Variants in PCDHA1 observed in about 807,000 individuals in gnomAD.
The protein encoded by PCDHA1 is protocadherin alpha-1.
In PCDHA1, 42 loss-of-function variants were observed where a neutral mutation model predicts 61.3. The ratio of observed to expected loss-of-function variants is 0.69; its 90% CI spans 0.54 to 0.89. The LOEUF (loss-of-function observed/expected upper bound fraction) is 0.89. Among genes scored for constraint, PCDHA1 ranks in the 40% least tolerant of loss-of-function variants. The pLI, the probability that PCDHA1 is intolerant of heterozygous loss-of-function variation, is 0.00. For missense variants in PCDHA1, 1,256 were observed against 1,235.3 expected (o/e 1.02, Z -0.25); for synonymous variants, 610 against 553.8 (o/e 1.10, Z -1.43).
At chr5:140,805,679 C>T in intron 1 of PCDHA1, 1 of 805,768 alleles carries the variant, frequency 1.2e-6, no homozygotes, top group Non-Finnish European at 1.5e-6. Context: ...CAGGATGATT[C>T]AAAGATCATG....
chr5:140,826,226 T>G (rs1768854046), intron 1 of PCDHA1, among the ~76,000 whole-genome samples: 1 of 152,244 alleles, frequency 6.6e-6, no homozygotes, highest in Admixed American at 6.5e-5. Context: ...AGTTTTGTGA[T>G]ATAAACTATT....
intron 3 of PCDHA1, among the ~76,000 whole-genome samples, chr5:141,005,406 G>C (rs1224420854): frequency 1.3e-5 from 2 of 152,172 alleles, no homozygotes; most frequent in Non-Finnish European, 2.9e-5. Flanking sequence ...GACTTGAAGA[G>C]TGAGGAGTCA....
chr5:140,869,604 AT>A, intron 1 of PCDHA1: 1 of 1,614,062 alleles, frequency 6.2e-7, no homozygotes, highest in Admixed American at 1.7e-5. Context: ...AGAATGCTCT[AT>A]TGACCTACAG....
At chr5:140,926,859 G>A in intron 1 of PCDHA1, 1 of 1,521,332 alleles carries the variant, frequency 6.6e-7, no homozygotes, top group Non-Finnish European at 8.8e-7. Context: ...CGTTGGTGTA[G>A]CGTGTTGGTG....
At chr5:140,972,334 A>G (rs2153793460) in intron 1 of PCDHA1, among the ~76,000 whole-genome samples, 1 of 151,024 alleles carries the variant, frequency 6.6e-6, no homozygotes, top group Admixed American at 6.6e-5. Flanking sequence ...TTTTTGGAAG[A>G]GATGGGGGTC....
At chr5:140,955,692 T>A (rs1021752704) in intron 1 of PCDHA1, among the ~76,000 whole-genome samples, 1 of 152,196 alleles carries the variant, frequency 6.6e-6, no homozygotes, top group African/African-American at 2.4e-5. Context: ...CTGTGATGAA[T>A]GTCAATGGAA....
chr5:140,977,890 A>C (rs1554238866), intron 1 of PCDHA1, among the ~76,000 whole-genome samples: 3 of 152,234 alleles, frequency 2.0e-5, no homozygotes, highest in Non-Finnish European at 4.4e-5. Flanking sequence ...AGGAAAATAC[A>C]AAATACAACT....
chr5:140,841,770 C>G (rs148555729), intron 1 of PCDHA1: 4 of 1,613,798 alleles, frequency 2.5e-6, no homozygotes, highest in African/African-American at 1.3e-5. Flanking sequence ...ATGCCAGACT[C>G]TCGGTTTCCG....
At chr5:140,862,329 T>C (rs1305735393) in intron 1 of PCDHA1, 1 of 327,554 alleles carries the variant, frequency 3.1e-6, no homozygotes, top group Non-Finnish European at 6.0e-6. Context: ...ATCAGTGTAA[T>C]TGACCCTAAC....
chr5:140,978,424 T>C (rs1554239310), intron 1 of PCDHA1, among the ~76,000 whole-genome samples: 1 of 152,238 alleles, frequency 6.6e-6, no homozygotes, highest in African/African-American at 2.4e-5. Flanking sequence ...GAGACTGTTA[T>C]CAGTTGCTGG....
At chr5:140,842,917 G>A in intron 1 of PCDHA1, 1 of 1,594,694 alleles carries the variant, frequency 6.3e-7, no homozygotes, top group Non-Finnish European at 8.6e-7. Flanking sequence ...AGCTGCTGCA[G>A]TTCCAGGTGA....
chr5:140,955,922 GTTCA>G (rs1413540621), intron 1 of PCDHA1, among the ~76,000 whole-genome samples: 2 of 152,138 alleles, frequency 1.3e-5, no homozygotes, highest in African/African-American at 4.8e-5. Flanking sequence ...GTGAATGGGA[GTTCA>G]TTCATAATAT....
Position 140,796,507 on chromosome 5 carries a change from G to A in PCDHA1, c.2394+7823G>A, listed in dbSNP as rs782557093. ...CTACGTTTCGGTGCACGCGGAGAGC[G>A]GCAAGGTGTACGCGCTGCAGCCGCT... On this transcript the variant is annotated intron_variant, in intron 1 of 3. Transcript: ENST00000504120. The A allele has an allele frequency of 1.9e-6, 3 of 1,612,268 alleles. No individual in the cohort carries two copies. Among genetic ancestry groups the A allele is most frequent in the African/African-American group, 1.3e-5 (1 of 74,898 alleles).
chr5:140,850,730 G>A lies in PCDHA1; in HGVS notation c.2394+62046G>A, dbSNP rs1439103901. The A allele has an allele frequency of 7.5e-6, 12 of 1,597,860 alleles. 2 individuals carry two copies. Among genetic ancestry groups the A allele is most frequent in the African/African-American group, 4.0e-5 (3 of 74,192 alleles). On this transcript the variant is annotated intron_variant, in intron 1 of 3. Transcript: ENST00000504120. The stretch of plus-strand genomic sequence containing the variant: ...CGACGCTGGTGTGTTCTAGCGCGGT[G>A]GGGAGTTGGTCGTACTCGCAGCAGA...
Position 141,009,839 on chromosome 5 carries a change from A to G in PCDHA1, c.2755A>G (p.Lys919Glu), listed in dbSNP as rs2098414795. 6.2e-7 allele frequency: 1 copy of G among 1,614,164 alleles called. No individual in the cohort carries two copies. Residue 919 changes from lysine (K) to glutamate (E), a missense_variant, in exon 4 of 4, where the codon AAG becomes GAG. Coordinates refer to ENST00000504120, the MANE Select transcript of PCDHA1 (RefSeq NM_018900.4). The part of the protein sequence containing the change: ...DKSDFITFGK[K>E]EETKKKKKKK... ...AAGTGACTTCATAACCTTCGGCAAA[A>G]AGGAGGAGACCAAGAAAAAGAAGAA...
chr5:140,823,646 G>A lies in PCDHA1; in HGVS notation c.2394+34962G>A, dbSNP rs149534551. 1.2e-4 allele frequency: 201 copies of A among 1,613,806 alleles called. No individual in the cohort carries two copies. In the African/African-American group the frequency reaches 2.2e-3, roughly 18 times the overall value. On this transcript the variant is annotated intron_variant, in intron 1 of 3. Coordinates refer to ENST00000504120, the MANE Select transcript of PCDHA1 (RefSeq NM_018900.4). ...AGTGCGCGCATCCCGTTCCGCGTGG[G>A]GCTGTACACAGGCGAGATCAGCACA...
At chr5:140,809,367 C>A (rs543555386) in intron 1 of PCDHA1, 4 of 1,613,970 alleles carry the variant, frequency 2.5e-6, no homozygotes. Context: ...TCTGCGCTGC[C>A]CACCGAGGGC....
rs782237182 is a variant in PCDHA1, at chr5:140,787,705, G to T, written c.1415G>T (p.Cys472Phe). The T allele has an allele frequency of 1.2e-6, 2 of 1,613,814 alleles. No homozygotes were observed. The highest frequency in any genetic ancestry group is 1.7e-6 in the Non-Finnish European group (2 of 1,179,918). The change falls in exon 1 of 4, where the codon TGC becomes TTC. Residue 472 changes from cysteine to phenylalanine, a missense_variant. Transcript: ENST00000504120. Reference protein sequence around the residue: ...VFVKENNPPGCHIFTVSARDA... With the variant: ...VFVKENNPPGFHIFTVSARDA... ...GTGAAGGAGAACAACCCGCCGGGCTGCCACATCTTCACGGTGTCTGCGCGG... is the reference window on the plus strand; with the variant it reads ...GTGAAGGAGAACAACCCGCCGGGCTTCCACATCTTCACGGTGTCTGCGCGG...
At chr5:140,850,761 C>A in intron 1 of PCDHA1, 1 of 1,598,004 alleles carries the variant, frequency 6.3e-7, no homozygotes, top group East Asian at 2.2e-5. Flanking sequence ...GCAGAGGAGG[C>A]AGAGGGTGTG....
Sources: allele counts gnomAD v4.1 joint callset (sites outside exome capture counted in the v4.1 genomes callset), GRCh38; gene constraint gnomAD v4.1.1; transcripts MANE v1.5; gene names NCBI Gene and HGNC (gene_info 2026-07-23, HGNC 2026-07-21).